BNIPL: variants seen among roughly 807,000 people sequenced by gnomAD.
BNIPL encodes bcl-2/adenovirus E1B 19 kDa-interacting protein 2-like protein.
BNIPL carries 33 observed loss-of-function variants against 47.0 expected under a neutral mutation model. The ratio of observed to expected loss-of-function variants is 0.70; its 90% CI spans 0.53 to 0.94. BNIPL has a LOEUF of 0.94. Among genes scored for constraint, BNIPL ranks in the 40% least tolerant of loss-of-function variants. The pLI is 0.00. For missense variants in BNIPL, 404 were observed against 445.2 expected (o/e 0.91, Z 0.83); for synonymous variants, 145 against 162.7 (o/e 0.89, Z 0.83).
At chr1:151,043,755 C>T (rs1301066170) in intron 7 of BNIPL, 28 bp downstream of exon 7, 1 of 1,564,358 alleles carries the variant, frequency 6.4e-7, no homozygotes. Context: ...AGGGCTACAA[C>T]TCTCTATCTC....
intron 1 of BNIPL, 147 bp downstream of exon 1, chr1:151,036,913 G>A: frequency 4.0e-6 from 3 of 743,662 alleles, no homozygotes; most frequent in South Asian, 1.7e-5. Context: ...AGATGAGGGT[G>A]GTTTTAGGTA....
At chr1:151,039,591 A>G (rs1005010977) in intron 4 of BNIPL, among the ~76,000 whole-genome samples, 2 of 152,146 alleles carry the variant, frequency 1.3e-5, no homozygotes, top group Admixed American at 1.3e-4. Context: ...TCAAAGTATG[A>G]GCATGACTAT....
chr1:151,038,496 C>T lies in BNIPL; in HGVS notation c.138-8C>T. On this transcript the variant is annotated splice_polypyrimidine_tract_variant and splice_region_variant and intron_variant, in intron 2 of 9. Transcript: ENST00000368931. ...ATGTCTGCCGCCTTTTAATCTCTTCCCCTCTAGATTGCTTCCTGAGGAGGC... is the reference window on the plus strand; with the variant it reads ...ATGTCTGCCGCCTTTTAATCTCTTCTCCTCTAGATTGCTTCCTGAGGAGGC... 1 of 1,606,922 alleles carries T rather than the reference C, an allele frequency of 6.2e-7. No homozygotes were observed. The highest frequency in any genetic ancestry group is 8.5e-7 in the Non-Finnish European group (1 of 1,173,566).
chr1:151,046,314 A>T, intron 9 of BNIPL, 149 bp downstream of exon 9: 1 of 1,264,818 alleles, frequency 7.9e-7, no homozygotes, highest in East Asian at 2.6e-5. Flanking sequence ...AACTGCACAC[A>T]CCCAGAGAAG....
chr1:151,043,588 C>G lies in BNIPL; in HGVS notation c.720-8C>G, dbSNP rs760303836. ...ACACATACCTTCCCTGCAATTTCATCCCCCCAGGTATATGGTGGGAACTCT... is the reference window on the plus strand; with the variant it reads ...ACACATACCTTCCCTGCAATTTCATGCCCCCAGGTATATGGTGGGAACTCT... On this transcript the variant is annotated splice_polypyrimidine_tract_variant and splice_region_variant and intron_variant, in intron 6 of 9. Transcript: ENST00000368931. The G allele has an allele frequency of 6.2e-7, 1 of 1,608,274 alleles. No homozygotes were observed. Among genetic ancestry groups the G allele is most frequent in the South Asian group, 1.1e-5 (1 of 90,844 alleles).
At chr1:151,045,558 C>CAA (rs587769189) in intron 7 of BNIPL, 96,065 of 246,972 alleles carry the variant, frequency 0.39, 15,436 homozygotes, top group East Asian at 0.52. Context: ...GACTCCGTCT[C>CAA]AAAAAAAAAA....
chr1:151,043,750 T>C lies in BNIPL; in HGVS notation c.851+23T>C, dbSNP rs757219732. On this transcript the variant is annotated intron_variant, in intron 7 of 9. Coordinates refer to ENST00000368931, the MANE Select transcript of BNIPL (RefSeq NM_138278.4). ...GCGGTGAGACCTGGGATGAGAGGGC[T>C]ACAACTCTCTATCTCATCTTTTTTT... The C allele has an allele frequency of 1.9e-6, 3 of 1,591,028 alleles. No homozygotes were observed. In the South Asian group the frequency reaches 3.4e-5, roughly 18 times the overall value.
intron 1 of BNIPL, 186 bp from the exon 2 acceptor site, chr1:151,037,381 T>A: frequency 1.9e-5 from 26 of 1,335,510 alleles, no homozygotes; most frequent in Non-Finnish European, 2.5e-5. Context: ...GCTCCCAAAC[T>A]TAACAGCAGG....
At position 151,043,044 on chromosome 1, in the gene BNIPL, T is replaced by G; in HGVS notation, c.522T>G (p.Asp174Glu). Reference protein sequence around the residue: ...RGCMWDVTGEDGHHWRVFRMG... With the variant: ...RGCMWDVTGEEGHHWRVFRMG... ...GTATGTGGGATGTGACTGGAGAAGA[T>G]GGACATCACTGGAGGGTGTTCCGAA... The change falls in exon 5 of 10, where the codon GAT (aspartate) becomes GAG (glutamate). Residue 174 changes from aspartate (D) to glutamate (E), a missense_variant. Asp to Glu is a conservative substitution (Grantham distance 45). Transcript: ENST00000368931. 6.2e-7 allele frequency: 1 copy of G among 1,611,472 alleles called. No individual in the cohort carries two copies. Among genetic ancestry groups the G allele is most frequent in the Non-Finnish European group, 8.5e-7 (1 of 1,179,324 alleles).
chr1:151,044,817 T>G, intron 7 of BNIPL: 1 of 1,287,128 alleles, frequency 7.8e-7, no homozygotes, highest in African/African-American at 1.5e-5. Flanking sequence ...CATCTCCATT[T>G]GCTCACATTT....
rs747391695 is a variant in BNIPL, at chr1:151,038,537, T to A, written c.171T>A (p.Asp57Glu). Residue 57 changes from aspartate to glutamate, a missense_variant, in exon 3 of 10, where the codon GAT becomes GAA. Transcript: ENST00000368931. ...LLPEEAGTSE[D>E]PEDPKGDSQA... Reference sequence around the variant, plus strand: ...CTGAGGAGGCTGGCACTTCTGAAGATCCTGAAGACCCTAAAGGAGATTCAC... The same window carrying A: ...CTGAGGAGGCTGGCACTTCTGAAGAACCTGAAGACCCTAAAGGAGATTCAC... 2 of 1,613,896 alleles carry A rather than the reference T, an allele frequency of 1.2e-6. No individual in the cohort carries two copies. The highest frequency in any genetic ancestry group is 1.7e-6 in the Non-Finnish European group (2 of 1,179,814).
intron 4 of BNIPL, among the ~76,000 whole-genome samples, chr1:151,042,640 C>G (rs1233417291): frequency 6.6e-6 from 1 of 151,814 alleles, no homozygotes; most frequent in Non-Finnish European, 1.5e-5. Context: ...ACGGCAAAAC[C>G]CTGTTTCTAC....
At chr1:151,046,193 T>C in intron 9 of BNIPL, 28 bp downstream of exon 9, 3 of 1,613,336 alleles carry the variant, frequency 1.9e-6, no homozygotes, top group African/African-American at 2.7e-5. Context: ...GAATAAAGCC[T>C]TGGGGTGGGA....
Position 151,036,618 on chromosome 1 carries a change from C to A in BNIPL, c.-108C>A. On this transcript the variant is annotated 5_prime_UTR_variant, in exon 1 of 10. Transcript: ENST00000368931. ...ACACCTCCCTCCTTGGAGGCAAGAG[C>A]TACAACAGCTGAGACAGAAAAGAGG... The A allele has an allele frequency of 9.4e-7, 1 of 1,058,732 alleles. No individual in the cohort carries two copies. Among genetic ancestry groups the A allele is most frequent in the South Asian group, 1.3e-5 (1 of 77,952 alleles). 65.6% of individuals were successfully genotyped at this position (1,058,732 alleles called of 1,614,324 possible). A position where few individuals can be genotyped will look rare whatever the true frequency, so the allele number is the denominator to read the frequency against.
In BNIPL at chr1:151,037,671, G is replaced by T. The variant is rs778059137; in HGVS notation, c.137+9G>T. ...GATGAAGAATTCCCTAGGTGAGGAC[G>T]TGTGAGGGTGGCTGGGAGAAGGGAG... is the stretch of plus-strand genomic sequence containing the variant. On this transcript the variant is annotated intron_variant, in intron 2 of 9. Transcript: ENST00000368931. 6.3e-7 allele frequency: 1 copy of T among 1,578,994 alleles called. No homozygotes were observed. Among genetic ancestry groups the T allele is most frequent in the Admixed American group, 1.8e-5 (1 of 55,662 alleles).
Position 151,044,937 on chromosome 1 carries a change from G to A in BNIPL, c.852-860G>A, listed in dbSNP as rs192410495. 1.3e-3 allele frequency: 1,698 copies of A among 1,290,206 alleles called. 5 individuals are homozygous for A. In the Middle Eastern group the frequency reaches 0.021, roughly 16 times the overall value. The allele number at this position is 1,290,206 out of a possible 1,614,324, so 79.9% of individuals were successfully genotyped here. ...GTAGAAGCATGCAAAAGGAACTTAC[G>A]CGAGGGTAGAGCACAAGATGGAAAT... On this transcript the variant is annotated intron_variant, in intron 7 of 9. Coordinates refer to ENST00000368931, the MANE Select transcript of BNIPL (RefSeq NM_138278.4).
In BNIPL at chr1:151,043,588, C is replaced by A. The variant is rs760303836; in HGVS notation, c.720-8C>A. On this transcript the variant is annotated splice_polypyrimidine_tract_variant and splice_region_variant and intron_variant, in intron 6 of 9. Coordinates refer to ENST00000368931, the MANE Select transcript of BNIPL (RefSeq NM_138278.4). ...ACACATACCTTCCCTGCAATTTCAT[C>A]CCCCCAGGTATATGGTGGGAACTCT... 1 of 1,608,274 alleles carries A rather than the reference C, an allele frequency of 6.2e-7. No individual in the cohort carries two copies. Among genetic ancestry groups the A allele is most frequent in the Middle Eastern group, 1.7e-4 (1 of 5,972 alleles).
At chr1:151,043,458 T>C in intron 6 of BNIPL, 24 bp downstream of exon 6, 1 of 1,568,770 alleles carries the variant, frequency 6.4e-7, no homozygotes, top group East Asian at 2.2e-5. Flanking sequence ...CCTGAAGGGC[T>C]ACAGGGCAGT....
chr1:151,044,350 C>T (rs144200493), intron 7 of BNIPL, among the ~76,000 whole-genome samples: 580 of 152,290 alleles, frequency 3.8e-3, no homozygotes, highest in Non-Finnish European at 6.6e-3. Context: ...TTGTGAAAAT[C>T]GAGTAAATTA....
Sources: allele counts gnomAD v4.1 joint callset (sites outside exome capture counted in the v4.1 genomes callset), GRCh38; gene constraint gnomAD v4.1.1; transcripts MANE v1.5; gene names NCBI Gene and HGNC (gene_info 2026-07-23, HGNC 2026-07-21).